Variants in DNM3 observed in about 807,000 individuals in gnomAD.
DNM3 encodes the protein dynamin 3, also known as dynamin-3.
In DNM3, 47 loss-of-function variants were observed where a neutral mutation model predicts 101.6. The observed-to-expected ratio is 0.46, with a 90% CI of 0.37 to 0.59. The LOEUF (loss-of-function observed/expected upper bound fraction) is 0.59. DNM3 is among the 20% of genes least tolerant of loss of function. The pLI, the probability that DNM3 is intolerant of heterozygous loss-of-function variation, is 0.00. For missense variants in DNM3, 849 were observed against 1,085.7 expected (o/e 0.78, Z 3.06); for synonymous variants, 385 against 387.9 (o/e 0.99, Z 0.09).
chr1:172,188,223 A>G lies in DNM3; in HGVS notation c.1659+56935A>G, dbSNP rs183744160. ...TATTACTCCTATTTCACAAGTAATGAAACTGAGGCCAGGATGGCTAAATGA... is the reference window on the plus strand; with the variant it reads ...TATTACTCCTATTTCACAAGTAATGGAACTGAGGCCAGGATGGCTAAATGA... On this transcript the variant is annotated intron_variant, in intron 14 of 20. Coordinates refer to ENST00000627582, the MANE Select transcript of DNM3 (RefSeq NM_015569.5). Among the ~76,000 whole-genome samples the G allele has an allele frequency of 3.3e-4, 50 of 152,246 alleles. No homozygotes were observed. The East Asian group carries it at 7.9e-3, about 24-fold the overall frequency.
At position 172,324,916 on chromosome 1, in the gene DNM3, C is replaced by T. The variant is rs541872813; in HGVS notation, c.1893+1576C>T. Among the ~76,000 whole-genome samples the T allele has an allele frequency of 2.0e-5, 3 of 152,158 alleles. No individual in the cohort carries two copies. The South Asian group carries it at 6.2e-4, about 32-fold the overall frequency. On this transcript the variant is annotated intron_variant, in intron 17 of 20. Coordinates refer to ENST00000627582, the MANE Select transcript of DNM3 (RefSeq NM_015569.5). ...CCTGTGCATGCTGAAGACCAGGGAGCCAGCTGCTGACATTTTGGGGGAGGT... is the reference window on the plus strand; with the variant it reads ...CCTGTGCATGCTGAAGACCAGGGAGTCAGCTGCTGACATTTTGGGGGAGGT...
intron 1 of DNM3, among the ~76,000 whole-genome samples, chr1:171,854,107 T>C (rs1251825859): frequency 1.3e-5 from 2 of 152,166 alleles, no homozygotes; most frequent in African/African-American, 2.4e-5. Context: ...AAAAAAAATA[T>C]TTGCCCTTAA....
At chr1:172,062,771 T>C (rs1430935695) in intron 10 of DNM3, among the ~76,000 whole-genome samples, 1 of 152,236 alleles carries the variant, frequency 6.6e-6, no homozygotes, top group Non-Finnish European at 1.5e-5. Context: ...ACAGTCACTA[T>C]TTCTTGATCT....
intron 1 of DNM3, among the ~76,000 whole-genome samples, chr1:171,883,959 G>C (rs1024841042): frequency 6.6e-6 from 1 of 152,172 alleles, no homozygotes; most frequent in Non-Finnish European, 1.5e-5. Context: ...CGTCTGCTCA[G>C]TGTGCTTGCC....
At chr1:172,028,060 C>T (rs191891388) in intron 4 of DNM3, among the ~76,000 whole-genome samples, 1 of 152,256 alleles carries the variant, frequency 6.6e-6, no homozygotes, top group Admixed American at 6.5e-5. Context: ...CAGCTCTGGA[C>T]CAAGAGGACC....
chr1:171,842,113 G>C (rs1472082557), intron 1 of DNM3, among the ~76,000 whole-genome samples: 1 of 152,070 alleles, frequency 6.6e-6, no homozygotes, highest in Non-Finnish European at 1.5e-5. Context: ...TCGGGGGAGG[G>C]GTCCGCCCCG....
At chr1:172,207,055 C>A (rs531618924) in intron 14 of DNM3, among the ~76,000 whole-genome samples, 1 of 152,012 alleles carries the variant, frequency 6.6e-6, no homozygotes. Context: ...GGAGCAGAAG[C>A]CTGTACCCAC....
chr1:172,259,488 AC>A (rs139535976), intron 15 of DNM3, among the ~76,000 whole-genome samples: 2,485 of 151,972 alleles, frequency 0.016, 65 homozygotes, highest in African/African-American at 0.056. Context: ...ATGAACTGAC[AC>A]CTCTTTCATT....
intron 17 of DNM3, among the ~76,000 whole-genome samples, chr1:172,371,922 T>A (rs528625298): frequency 1.2e-3 from 179 of 146,366 alleles, no homozygotes; most frequent in Non-Finnish European, 1.6e-3. Flanking sequence ...TTATTTATTT[T>A]TTATTATTAT....
chr1:171,884,159 C>T (rs1319807141), intron 1 of DNM3, among the ~76,000 whole-genome samples: 1 of 152,136 alleles, frequency 6.6e-6, no homozygotes, highest in African/African-American at 2.4e-5. Flanking sequence ...AAGTAATATC[C>T]TATAGTTTGT....
intron 1 of DNM3, among the ~76,000 whole-genome samples, chr1:171,863,953 C>G (rs556201762): frequency 6.6e-6 from 1 of 152,148 alleles, no homozygotes; most frequent in Non-Finnish European, 1.5e-5. Context: ...GAAGAATTAT[C>G]CAGAGTCTGG....
At chr1:171,914,357 A>T (rs1259672591) in intron 1 of DNM3, among the ~76,000 whole-genome samples, 1 of 152,104 alleles carries the variant, frequency 6.6e-6, no homozygotes, top group Non-Finnish European at 1.5e-5. Flanking sequence ...GGGTTTCTCC[A>T]TGTTGATCAG....
At chr1:171,977,279 G>A (rs2044446028) in intron 2 of DNM3, among the ~76,000 whole-genome samples, 1 of 152,078 alleles carries the variant, frequency 6.6e-6, no homozygotes, top group African/African-American at 2.4e-5. Flanking sequence ...GCCTTATTCT[G>A]GCCTTTCCAG....
At chr1:172,333,792 G>C (rs1277280069) in intron 17 of DNM3, among the ~76,000 whole-genome samples, 1 of 151,936 alleles carries the variant, frequency 6.6e-6, no homozygotes, top group Non-Finnish European at 1.5e-5. Context: ...TATTATTTAG[G>C]GATATCTAAT....
At chr1:172,115,862 T>A (rs547954646) in intron 13 of DNM3, among the ~76,000 whole-genome samples, 1 of 152,350 alleles carries the variant, frequency 6.6e-6, no homozygotes, top group South Asian at 2.1e-4. Flanking sequence ...TTTCACAGTA[T>A]TTATCATCTC....
In DNM3 at chr1:172,404,043, T is replaced by C. The variant is rs528785956; in HGVS notation, c.2523-3729T>C. 3.7e-4 allele frequency among the ~76,000 whole-genome samples: 57 copies of C among 152,262 alleles called. 1 individual carries two copies. Among genetic ancestry groups the C allele is most frequent in the African/African-American group, 1.2e-3 (50 of 41,572 alleles). On this transcript the variant is annotated intron_variant, in intron 20 of 20. Transcript: ENST00000627582. Reference sequence around the variant, plus strand: ...ACCCTAAATTGCTTTCTAGTACAGTTGTATATACAGATTTTTGTTGTTACT... The same window carrying C: ...ACCCTAAATTGCTTTCTAGTACAGTCGTATATACAGATTTTTGTTGTTACT...
rs545914266 is a variant in DNM3 at position 171,892,975 on chromosome 1, GC to G, written c.162-28771del. On this transcript the variant is annotated intron_variant, in intron 1 of 20. Coordinates refer to ENST00000627582, the MANE Select transcript of DNM3 (RefSeq NM_015569.5). ...TGCTGTGCGGCCCAGTTCCTAACAG[GC>G]CATGGATAGGTGTTGGTCTGTGGCG... is the stretch of plus-strand genomic sequence containing the variant. Among the ~76,000 whole-genome samples the G allele has an allele frequency of 2.9e-3, 437 of 152,040 alleles. 11 individuals are homozygous for G. The highest frequency in any genetic ancestry group is 0.01 in the African/African-American group (416 of 41,320).
chr1:172,418,274 T>G (rs1196301913), intron 20 of DNM3: 3 of 1,289,136 alleles, frequency 2.3e-6, no homozygotes, highest in Non-Finnish European at 1.0e-6. Flanking sequence ...TGTTTTGTTT[T>G]TACTAGGCGA....
intron 14 of DNM3, among the ~76,000 whole-genome samples, chr1:172,246,393 G>A (rs374264057): frequency 4.6e-5 from 7 of 151,612 alleles, no homozygotes; most frequent in East Asian, 3.9e-4. Flanking sequence ...TTTAATCAAC[G>A]GATTCTACTG....
Sources: allele counts gnomAD v4.1 joint callset (sites outside exome capture counted in the v4.1 genomes callset), GRCh38; gene constraint gnomAD v4.1.1; transcripts MANE v1.5; gene names NCBI Gene and HGNC (gene_info 2026-07-23, HGNC 2026-07-21).